UTRN: variants seen among roughly 807,000 people sequenced by gnomAD.
UTRN encodes the protein utrophin.
Under a neutral mutation model 463.9 loss-of-function variants are expected in UTRN, and 283 were observed. The observed-to-expected ratio is 0.61, with a 90% CI of 0.55 to 0.67. The LOEUF is 0.67. UTRN is among the 30% of genes least tolerant of loss of function. The pLI is 0.00. For synonymous variants in UTRN, 1,442 were observed against 1,431.5 expected (o/e 1.01, Z -0.17); for missense variants, 3,922 against 4,084.3 (o/e 0.96, Z 1.08).
intron 69 of UTRN, among the ~76,000 whole-genome samples, chr6:144,833,612 A>G (rs1051720134): frequency 8.3e-4 from 126 of 152,312 alleles, no homozygotes; most frequent in Middle Eastern, 3.4e-3. Flanking sequence ...TTTATTTTAT[A>G]TCTATCTACT....
chr6:144,788,520 G>C (rs975551421), intron 61 of UTRN, among the ~76,000 whole-genome samples: 3 of 150,804 alleles, frequency 2.0e-5, no homozygotes, highest in Non-Finnish European at 4.4e-5. Context: ...TAGCTGTTTT[G>C]AATCTTGCAT....
At chr6:144,379,372 A>G (rs549511117) in intron 2 of UTRN, among the ~76,000 whole-genome samples, 1 of 152,280 alleles carries the variant, frequency 6.6e-6, no homozygotes, top group East Asian at 1.9e-4. Flanking sequence ...GGTTGCCATC[A>G]TCTGAAGCTT....
At chr6:144,682,610 A>C (rs1369266927) in intron 52 of UTRN, among the ~76,000 whole-genome samples, 1 of 152,140 alleles carries the variant, frequency 6.6e-6, no homozygotes, top group Non-Finnish European at 1.5e-5. Flanking sequence ...ACAGTTCACA[A>C]GGGTTCCTTT....
chr6:144,825,764 A>C (rs1414309738), intron 66 of UTRN, among the ~76,000 whole-genome samples: 2 of 152,198 alleles, frequency 1.3e-5, no homozygotes, highest in Non-Finnish European at 2.9e-5. Flanking sequence ...GAAAGTATAT[A>C]GCATATCATT....
At chr6:144,362,308 A>AC (rs975462508) in intron 2 of UTRN, among the ~76,000 whole-genome samples, 11 of 151,642 alleles carry the variant, frequency 7.3e-5, no homozygotes, top group African/African-American at 2.2e-4. Flanking sequence ...TGTGCACACC[A>AC]CCCCCCATCT....
chr6:144,733,118 A>G (rs1001312032), intron 54 of UTRN, among the ~76,000 whole-genome samples: 2 of 152,238 alleles, frequency 1.3e-5, no homozygotes, highest in African/African-American at 2.4e-5. Context: ...TTCTGTGCAC[A>G]TATGTTGCAC....
intron 25 of UTRN, 106 bp from the exon 26 acceptor site, chr6:144,479,706 A>G (rs951407230): frequency 6.9e-6 from 9 of 1,312,240 alleles, no homozygotes; most frequent in Admixed American, 4.8e-5. Context: ...AAAGCATGCA[A>G]TTCGTTGTGG....
chr6:144,426,494 A>T (rs759715282), intron 7 of UTRN, 35 bp downstream of exon 7: 13 of 1,577,150 alleles, frequency 8.2e-6, no homozygotes, highest in Non-Finnish European at 1.1e-5. Context: ...TGGGCTTTAC[A>T]AATTCATGTC....
At chr6:144,368,426 A>G (rs753874594) in intron 2 of UTRN, among the ~76,000 whole-genome samples, 2 of 152,286 alleles carry the variant, frequency 1.3e-5, no homozygotes, top group Admixed American at 6.5e-5. Flanking sequence ...TATATGCTAG[A>G]TTCCTTGTTT....
chr6:144,599,732 C>T (rs1804040735), intron 51 of UTRN, among the ~76,000 whole-genome samples: 1 of 152,160 alleles, frequency 6.6e-6, no homozygotes, highest in African/African-American at 2.4e-5. Context: ...GTTAACCATA[C>T]TATTCAGAAG....
At chr6:144,759,942 C>CT (rs1792461580) in intron 58 of UTRN, among the ~76,000 whole-genome samples, 1 of 152,044 alleles carries the variant, frequency 6.6e-6, no homozygotes, top group Non-Finnish European at 1.5e-5. Context: ...ATTGAATTGA[C>CT]TTAGAGTCTT....
chr6:144,606,753 A>G (rs956248187), intron 51 of UTRN, among the ~76,000 whole-genome samples: 1 of 152,154 alleles, frequency 6.6e-6, no homozygotes, highest in African/African-American at 2.4e-5. Flanking sequence ...CTAAAATCTC[A>G]TTGTCTTAGC....
At chr6:144,608,808 T>G (rs1049680901) in intron 51 of UTRN, among the ~76,000 whole-genome samples, 6 of 152,180 alleles carry the variant, frequency 3.9e-5, no homozygotes, top group African/African-American at 1.2e-4. Flanking sequence ...CTGGCTGCAA[T>G]TTGTTTGGGT....
At chr6:144,335,196 G>A (rs983798852) in intron 2 of UTRN, among the ~76,000 whole-genome samples, 1 of 152,200 alleles carries the variant, frequency 6.6e-6, no homozygotes, top group Non-Finnish European at 1.5e-5. Context: ...GGAAAGTGAA[G>A]TTTAATGTGA....
chr6:144,735,991 A>G (rs1017192567), intron 54 of UTRN, among the ~76,000 whole-genome samples: 3 of 152,042 alleles, frequency 2.0e-5, no homozygotes, highest in Admixed American at 2.0e-4. Context: ...TGTTTTTAAT[A>G]CTACATTTGG....
intron 51 of UTRN, among the ~76,000 whole-genome samples, chr6:144,632,381 TCTC>T (rs1225037009): frequency 5.3e-5 from 8 of 152,142 alleles, no homozygotes; most frequent in African/African-American, 9.7e-5. Context: ...ATGGGGGACA[TCTC>T]CTCAAATTGA....
At chr6:144,539,813 G>T (rs975440389) in intron 45 of UTRN, among the ~76,000 whole-genome samples, 1 of 152,052 alleles carries the variant, frequency 6.6e-6, no homozygotes, top group African/African-American at 2.4e-5. Context: ...AGGCCGAGAT[G>T]GGGGGAATCA....
chr6:144,545,647 C>T (rs1798333265), intron 46 of UTRN, among the ~76,000 whole-genome samples: 1 of 152,160 alleles, frequency 6.6e-6, no homozygotes, highest in African/African-American at 2.4e-5. Flanking sequence ...CCTTTCTTGC[C>T]CACAATATCT....
chr6:144,424,120 G>A (rs1241421776), intron 6 of UTRN, 42 bp downstream of exon 6: 14 of 1,591,952 alleles, frequency 8.8e-6, no homozygotes, highest in Non-Finnish European at 8.6e-7. Context: ...GATGGAAAAT[G>A]TGTTGTTTGT....
Sources: allele counts gnomAD v4.1 joint callset (sites outside exome capture counted in the v4.1 genomes callset), GRCh38; gene constraint gnomAD v4.1.1; transcripts MANE v1.5; gene names NCBI Gene and HGNC (gene_info 2026-07-23, HGNC 2026-07-21).